LVRN: variants seen among roughly 807,000 people sequenced by gnomAD.
The protein encoded by LVRN is laeverin, also known as aminopeptidase Q.
LVRN carries 99 observed loss-of-function variants against 111.4 expected under a neutral mutation model. The observed-to-expected ratio is 0.89, with a 90% CI of 0.76 to 1.05. The LOEUF (loss-of-function observed/expected upper bound fraction) is 1.05, where lower values mean the gene tolerates loss of function less well. Ranked by LOEUF, LVRN falls within the 50% of genes least tolerant of loss-of-function variation. The pLI is 0.00. For synonymous variants in LVRN, 488 were observed against 449.5 expected, an observed-to-expected ratio of 1.09 and a Z score of -1.08; for missense variants, 1,414 against 1,206.8, an observed-to-expected ratio of 1.17 and a Z score of -2.54.
At chr5:115,969,981 T>G (rs1753288109) in intron 1 of LVRN, among the ~76,000 whole-genome samples, 1 of 152,146 alleles carries the variant, frequency 6.6e-6, no homozygotes, top group South Asian at 2.1e-4. Flanking sequence ...TTTTGTTTTG[T>G]TTCTATTAAC....
Position 116,015,339 on chromosome 5 carries a change from C to G in LVRN, c.2538C>G (p.Tyr846Ter). ...AGTGGGACATCTTGTTAAATACTTA[C>G]ACTAATACAACAAACAAAGAAGAAA... ...DKEWDILLNT[Y>*]TNTTNKEEKI... Residue 846 changes from tyrosine to a stop codon, truncating the protein, a stop_gained, in exon 17 of 20, where the codon TAC becomes TAG. Coordinates refer to ENST00000357872, the MANE Select transcript of LVRN (RefSeq NM_173800.5). LOFTEE classifies it high-confidence loss of function. The G allele has an allele frequency of 6.2e-7, 1 of 1,612,358 alleles. No homozygotes were observed. Among genetic ancestry groups the G allele is most frequent in the Non-Finnish European group, 8.5e-7 (1 of 1,179,340 alleles).
At position 116,004,456 on chromosome 5, in the gene LVRN, T is replaced by C. The variant is rs1263000710; in HGVS notation, c.2037+1076T>C. Among the ~76,000 whole-genome samples, 3 of 152,184 alleles carry C rather than the reference T, an allele frequency of 2.0e-5. No individual in the cohort carries two copies. In the South Asian group the frequency reaches 6.2e-4, roughly 32 times the overall value. On this transcript the variant is annotated intron_variant, in intron 12 of 19. Transcript: ENST00000357872. ...AACTAAAAGATGTCTCTCTGTTAAG[T>C]GTCTCTGTGTTTGAAAGTTCTCTGA...
At position 116,011,212 on chromosome 5, in the gene LVRN, G is replaced by A. The variant is rs373950036; in HGVS notation, c.2247+318G>A. On this transcript the variant is annotated intron_variant, in intron 14 of 19. Coordinates refer to ENST00000357872, the MANE Select transcript of LVRN (RefSeq NM_173800.5). ...CCTGTTTTTTTTTTTTTAGGGAAAA[G>A]GATAGTATTTATTAGCAACTATTTT... Among the ~76,000 whole-genome samples, 6 of 149,576 alleles carry A rather than the reference G, an allele frequency of 4.0e-5. No homozygotes were observed. In the South Asian group the frequency reaches 1.3e-3, roughly 32 times the overall value.
intron 13 of LVRN, 44 bp downstream of exon 13, chr5:116,006,011 G>A (rs1166537827): frequency 1.0e-5 from 15 of 1,461,906 alleles, no homozygotes; most frequent in East Asian, 4.5e-5. Flanking sequence ...TATACCTTGA[G>A]ACCTTTATAA....
At chr5:115,970,340 A>G (rs62384832) in intron 1 of LVRN, among the ~76,000 whole-genome samples, 35,208 of 150,642 alleles carry the variant, frequency 0.23, 4,420 homozygotes, top group South Asian at 0.28. Context: ...ATGTACTCTC[A>G]TGTCTAACTT....
In LVRN at chr5:116,026,140, T is replaced by G; in HGVS notation, c.*22T>G. On this transcript the variant is annotated 3_prime_UTR_variant, in exon 20 of 20. Transcript: ENST00000357872. The stretch of plus-strand genomic sequence containing the variant: ...ATAGCTTGTGGCTATCTTTCAGCAC[T>G]CCTCTTGCATATTATAATGTAGTTT... The G allele has an allele frequency of 1.2e-6, 2 of 1,613,192 alleles. No homozygotes were observed. Among genetic ancestry groups the G allele is most frequent in the Non-Finnish European group, 8.5e-7 (1 of 1,179,564 alleles).
At chr5:115,993,653 C>T (rs565492669) in intron 5 of LVRN, 88 bp from the exon 6 acceptor site, 1 of 817,222 alleles carries the variant, frequency 1.2e-6, no homozygotes. Context: ...TGTCTTTTGA[C>T]CTTACATTTA....
intron 13 of LVRN, among the ~76,000 whole-genome samples, chr5:116,009,602 G>A (rs1228839557): frequency 6.6e-6 from 1 of 152,110 alleles, no homozygotes; most frequent in African/African-American, 2.4e-5. Context: ...ATAAACAGGA[G>A]TTTTGAAGAA....
chr5:115,971,881 G>A (rs1475082969), intron 1 of LVRN, among the ~76,000 whole-genome samples: 1 of 152,048 alleles, frequency 6.6e-6, no homozygotes, highest in African/African-American at 2.4e-5. Context: ...TTTTGACTGA[G>A]ATTATGTTGA....
At chr5:115,976,896 T>G (rs1264183199) in intron 1 of LVRN, among the ~76,000 whole-genome samples, 2 of 152,176 alleles carry the variant, frequency 1.3e-5, no homozygotes, top group Non-Finnish European at 2.9e-5. Flanking sequence ...AGCCATGTTT[T>G]TAAGCTCTTT....
intron 13 of LVRN, among the ~76,000 whole-genome samples, chr5:116,008,605 T>TA (rs57696893): frequency 6.0e-4 from 89 of 148,548 alleles, no homozygotes; most frequent in Admixed American, 1.3e-3. Flanking sequence ...CATGAATGAT[T>TA]AAAAAAAAAA....
chr5:116,012,530 AG>A, intron 15 of LVRN, 62 bp downstream of exon 15: 1 of 984,674 alleles, frequency 1.0e-6, no homozygotes, highest in Non-Finnish European at 1.5e-6. Context: ...GGCTTCCAGA[AG>A]TAATAAAATA....
At chr5:116,002,149 A>T (rs760355867) in intron 10 of LVRN, among the ~76,000 whole-genome samples, 119 of 152,336 alleles carry the variant, frequency 7.8e-4, no homozygotes, top group Non-Finnish European at 1.7e-3. Flanking sequence ...GGTTTTTGAG[A>T]AGACCTGTGT....
At chr5:115,995,339 T>C (rs17483610) in intron 6 of LVRN, 1,854 of 152,330 alleles carry the variant, frequency 0.012, 9 homozygotes, top group Non-Finnish European at 0.017. Flanking sequence ...CATCACAGCA[T>C]CTGGCAAGCA....
chr5:115,996,496 G>A (rs1748116168), intron 6 of LVRN, among the ~76,000 whole-genome samples: 1 of 152,110 alleles, frequency 6.6e-6, no homozygotes, highest in Non-Finnish European at 1.5e-5. Flanking sequence ...AAAAGCTTAA[G>A]CTCTCCTTTC....
At position 115,993,769 on chromosome 5, in the gene LVRN, G is replaced by T; in HGVS notation, c.1289G>T (p.Trp430Leu). The T allele has an allele frequency of 6.2e-7, 1 of 1,608,088 alleles. No individual in the cohort carries two copies. The highest frequency in any genetic ancestry group is 8.5e-7 in the Non-Finnish European group (1 of 1,178,348). Reference sequence around the variant, plus strand: ...TTTGGAAACTTGGTTACCATGAATTGGTGGAACAATATCTGGCTCAACGAG... The same window carrying T: ...TTTGGAAACTTGGTTACCATGAATTTGTGGAACAATATCTGGCTCAACGAG... Reference protein sequence around the residue: ...QWFGNLVTMNWWNNIWLNEGF... With the variant: ...QWFGNLVTMNLWNNIWLNEGF... The change falls in exon 6 of 20, where the codon TGG (tryptophan) becomes TTG (leucine). Residue 430 changes from tryptophan (W) to leucine (L), a missense_variant. Coordinates refer to ENST00000357872, the MANE Select transcript of LVRN (RefSeq NM_173800.5).
At chr5:116,025,103 T>C (rs574726535) in intron 19 of LVRN, among the ~76,000 whole-genome samples, 51 of 152,294 alleles carry the variant, frequency 3.3e-4, no homozygotes, top group African/African-American at 1.2e-3. Flanking sequence ...GGGCACACTA[T>C]CCGTGATGTG....
chr5:115,972,238 C>G (rs927173935), intron 1 of LVRN, among the ~76,000 whole-genome samples: 2 of 150,938 alleles, frequency 1.3e-5, no homozygotes, highest in African/African-American at 4.8e-5. Flanking sequence ...AATACAAAGA[C>G]AAGCCACAAC....
At chr5:116,012,976 G>A (rs760226146) in intron 15 of LVRN, among the ~76,000 whole-genome samples, 4 of 152,144 alleles carry the variant, frequency 2.6e-5, no homozygotes, top group Admixed American at 2.6e-4. Context: ...CTGGTTTGGT[G>A]AGGAGAGTAA....
Sources: gnomAD v4.1 joint callset for allele counts (sites outside exome capture counted in the v4.1 genomes callset) on GRCh38, gnomAD v4.1.1 for gene constraint, MANE v1.5 for transcripts, NCBI Gene and HGNC (gene_info 2026-07-23, HGNC 2026-07-21) for gene names.